The following AHNAK2 variants were observed in gnomAD, a reference collection of about 807,000 sequenced individuals.
AHNAK2 encodes the protein protein AHNAK2.
In AHNAK2, 18 loss-of-function variants were observed where a neutral mutation model predicts 30.7. The observed-to-expected ratio is 0.59, with a 90% confidence interval of 0.41 to 0.87. AHNAK2 has a LOEUF of 0.87. AHNAK2 is among the 40% of genes least tolerant of loss of function. AHNAK2 has a pLI of 0.00. For synonymous variants in AHNAK2, 3,590 were observed against 3,073.8 expected (o/e 1.17, Z -5.56); for missense variants, 8,604 against 7,373.0 (o/e 1.17, Z -6.11).
Position 104,944,647 on chromosome 14 carries a change from G to A in AHNAK2, c.10804C>T (p.Pro3602Ser), listed in dbSNP as rs1376920729. ...VRVPDVEVSL[P>S]SVEVDVQAPK... ...GCCTGGACATCCACCTCCACGCTGG[G>A]CAGAGACACCTCGACATCGGGGACT... Residue 3602 changes from proline to serine, a missense_variant, in exon 7 of 7, where the codon CCC (proline) becomes TCC (serine). Transcript: ENST00000333244. The A allele has an allele frequency of 1.2e-6, 2 of 1,613,094 alleles. No individual in the cohort carries two copies. The highest frequency in any genetic ancestry group is 1.7e-6 in the Non-Finnish European group (2 of 1,179,708).
chr14:104,953,561 C>A lies in AHNAK2; in HGVS notation c.1890G>T (p.Glu630Asp). The change falls in exon 7 of 7, where the codon GAG (glutamate) becomes GAT (aspartate). Residue 630 changes from glutamate to aspartate, a missense_variant. Glu to Asp is a conservative substitution (Grantham distance 45). Transcript: ENST00000333244. ...TADRREQRRT[E>D]EGLKDKEDSD... ...TGTCTTCTTTGTCTTTTAATCCTTC[C>A]TCTGTGCGTCTCTGTTCTCTTCTAT... The A allele has an allele frequency of 5.0e-6, 8 of 1,613,960 alleles. No homozygotes were observed. The highest frequency in any genetic ancestry group is 6.8e-6 in the Non-Finnish European group (8 of 1,179,884).
chr14:104,973,029 G>A (rs536372615), intron 1 of AHNAK2, among the ~76,000 whole-genome samples: 49 of 152,322 alleles, frequency 3.2e-4, no homozygotes, highest in Middle Eastern at 3.4e-3. Flanking sequence ...ACCAGCAGGC[G>A]GGTGCTGGGC....
Position 104,951,500 on chromosome 14 carries a change from A to T in AHNAK2, c.3951T>A (p.Ala1317=). The T allele has an allele frequency of 8.1e-7, 1 of 1,242,112 alleles. No homozygotes were observed. The highest frequency in any genetic ancestry group is 2.3e-5 in the East Asian group (1 of 44,294). The allele number at this position is 1,242,112 out of a possible 1,614,324, so 76.9% of individuals were successfully genotyped here. A position where few individuals can be genotyped will look rare whatever the true frequency, so the allele number is the denominator to read the frequency against. ...GAQLDGDLSL[A]DKDVTAKDSK... ...TGTCTTTGGCAGTCACGTCCTTGTC[A>T]GCCAGGGACAGGTCCCCGTCCAGCT... The change falls in exon 7 of 7, where the codon GCT becomes GCA. Residue 1317 remains alanine (A), a synonymous_variant. Coordinates refer to ENST00000333244, the MANE Select transcript of AHNAK2 (RefSeq NM_138420.4).
In AHNAK2 at chr14:104,937,779, T is replaced by C. The variant is rs1897847900; in HGVS notation, c.*284A>G. The C allele has an allele frequency of 5.2e-6, 2 of 388,092 alleles. No homozygotes were observed. The highest frequency in any genetic ancestry group is 9.2e-6 in the Non-Finnish European group (2 of 218,416). 24.0% of individuals were successfully genotyped at this position (388,092 alleles called of 1,614,324 possible). On this transcript the variant is annotated 3_prime_UTR_variant, in exon 7 of 7. Transcript: ENST00000333244. ...ATTTATCTAATAAAGACCAACAAAC[T>C]TCCCCAGCAGTGCCTCTGAGTACCG...
chr14:104,965,417 A>AAAG (rs1555403429), intron 1 of AHNAK2, among the ~76,000 whole-genome samples: 11 of 150,468 alleles, frequency 7.3e-5, no homozygotes, highest in African/African-American at 1.9e-4. Flanking sequence ...AAAAAAAAAA[A>AAAG]AAAAGAAAAG....
Position 104,952,546 on chromosome 14 carries a change from G to C in AHNAK2, c.2905C>G (p.Gln969Glu), listed in dbSNP as rs934456874. 1.9e-6 allele frequency: 3 copies of C among 1,612,306 alleles called. No homozygotes were observed. Among genetic ancestry groups the C allele is most frequent in the East Asian group, 2.2e-5 (1 of 44,716 alleles). ...VSLPSMEVDV[Q>E]AQKAKLDGAW... Reference sequence around the variant, plus strand: ...CCATCCAGCTTGGCCTTCTGGGCCTGGACATCCACCTCCATGCTGGGCAGA... The same window carrying C: ...CCATCCAGCTTGGCCTTCTGGGCCTCGACATCCACCTCCATGCTGGGCAGA... Residue 969 changes from glutamine (Q) to glutamate (E), a missense_variant, in exon 7 of 7, where the codon CAG (glutamine) becomes GAG (glutamate). Gln to Glu is a conservative substitution (Grantham distance 29). Transcript: ENST00000333244.
At chr14:104,970,932 G>A (rs1566926876) in intron 1 of AHNAK2, among the ~76,000 whole-genome samples, 1 of 152,126 alleles carries the variant, frequency 6.6e-6, no homozygotes. Flanking sequence ...GGGAGGAGAG[G>A]CATAGCCTAA....
chr14:104,952,782 A>G lies in AHNAK2; in HGVS notation c.2669T>C (p.Leu890Pro). The G allele has an allele frequency of 6.2e-7, 1 of 1,612,442 alleles. No homozygotes were observed. The highest frequency in any genetic ancestry group is 1.1e-5 in the South Asian group (1 of 91,040). Reference sequence around the variant, plus strand: ...ATCCACTTGGCCAGCCTGGACCTCCAGGTCAGCGGAAGGGGGCTGAATGCT... The same window carrying G: ...ATCCACTTGGCCAGCCTGGACCTCCGGGTCAGCGGAAGGGGGCTGAATGCT... The part of the protein sequence containing the change: ...DLSIQPPSAD[L>P]EVQAGQVDVK... Residue 890 changes from leucine to proline, a missense_variant, in exon 7 of 7, where the codon CTG (leucine) becomes CCG (proline). By Grantham distance (98) the Leu-to-Pro change is moderately conservative. Transcript: ENST00000333244.
At position 104,952,905 on chromosome 14, in the gene AHNAK2, C is replaced by T. The variant is rs1488705936; in HGVS notation, c.2546G>A (p.Gly849Asp). Residue 849 changes from glycine to aspartate, a missense_variant, in exon 7 of 7, where the codon GGC becomes GAC. Coordinates refer to ENST00000333244, the MANE Select transcript of AHNAK2 (RefSeq NM_138420.4). The part of the protein sequence containing the change: ...KMPSFGVSAP[G>D]KSMEDSVDVS... ...ATCCACCGAGTCCTCCATGGACTTG[C>T]CTGGGGCCGACACCCCGAATGATGG... The T allele has an allele frequency of 6.2e-7, 1 of 1,612,134 alleles. No homozygotes were observed. The highest frequency in any genetic ancestry group is 1.1e-5 in the South Asian group (1 of 90,974).
intron 1 of AHNAK2, among the ~76,000 whole-genome samples, chr14:104,969,353 T>C (rs1899406424): frequency 1.3e-5 from 2 of 152,342 alleles, no homozygotes; most frequent in Admixed American, 1.3e-4. Context: ...CCGTGCCTGC[T>C]CTAGCCCTAG....
At chr14:104,965,800 T>C (rs923474376) in intron 1 of AHNAK2, among the ~76,000 whole-genome samples, 3 of 152,184 alleles carry the variant, frequency 2.0e-5, no homozygotes, top group Admixed American at 2.0e-4. Flanking sequence ...CCGGCAGTGG[T>C]CTAGGTCTGG....
chr14:104,944,646 G>C lies in AHNAK2; in HGVS notation c.10805C>G (p.Pro3602Arg), dbSNP rs745713300. ...VRVPDVEVSL[P>R]SVEVDVQAPK... The stretch of plus-strand genomic sequence containing the variant: ...GGCCTGGACATCCACCTCCACGCTG[G>C]GCAGAGACACCTCGACATCGGGGAC... The change falls in exon 7 of 7, where the codon CCC becomes CGC. Residue 3602 changes from proline to arginine, a missense_variant. Transcript: ENST00000333244. The C allele has an allele frequency of 2.5e-6, 4 of 1,613,080 alleles. No homozygotes were observed. In the East Asian group the frequency reaches 6.7e-5, roughly 27 times the overall value.
chr14:104,950,358 T>C lies in AHNAK2; in HGVS notation c.5093A>G (p.Gln1698Arg). Residue 1698 changes from glutamine to arginine, a missense_variant, in exon 7 of 7, where the codon CAG (glutamine) becomes CGG (arginine). Physicochemically the swap from Gln to Arg is conservative, Grantham distance 43 (BLOSUM62 1). Coordinates refer to ENST00000333244, the MANE Select transcript of AHNAK2 (RefSeq NM_138420.4). ...GAGGTCAGTGGTCTTCAGGTCCCCC[T>C]GCATGGAGGGGAGGCTCACATCAGC... ...VEADVSLPSM[Q>R]GDLKTTDLSI... The C allele has an allele frequency of 6.3e-7, 1 of 1,585,982 alleles. No homozygotes were observed. The highest frequency in any genetic ancestry group is 1.1e-5 in the South Asian group (1 of 89,750).
intron 5 of AHNAK2, 150 bp from the exon 6 acceptor site, chr14:104,955,291 C>T: frequency 7.8e-7 from 1 of 1,274,626 alleles, no homozygotes; most frequent in East Asian, 2.4e-5. Context: ...GTGCCTCAGG[C>T]ACAGGCAAGG....
At position 104,939,486 on chromosome 14, in the gene AHNAK2, G is replaced by C. The variant is rs986049128; in HGVS notation, c.15965C>G (p.Pro5322Arg). 1.2e-6 allele frequency: 2 copies of C among 1,613,392 alleles called. No individual in the cohort carries two copies. Among genetic ancestry groups the C allele is most frequent in the Non-Finnish European group, 1.7e-6 (2 of 1,179,842 alleles). The change falls in exon 7 of 7, where the codon CCA becomes CGA. Residue 5322 changes from proline (P) to arginine (R), a missense_variant. Physicochemically the swap from Pro to Arg is moderately radical, Grantham distance 103. Coordinates refer to ENST00000333244, the MANE Select transcript of AHNAK2 (RefSeq NM_138420.4). ...AAGAGGAGTCTCATCTATTTCTCCT[G>C]GAAGAACCTGGGTTTCTGGAAGCCT... ...GMRLPETQVL[P>R]GEIDETPLSK...
intron 1 of AHNAK2, among the ~76,000 whole-genome samples, chr14:104,975,452 C>A (rs1275158779): frequency 6.6e-6 from 1 of 152,080 alleles, no homozygotes; most frequent in Non-Finnish European, 1.5e-5. Flanking sequence ...TCTGAGAGGC[C>A]ACCTCACTGG....
Position 104,951,712 on chromosome 14 carries a change from G to A in AHNAK2, c.3739C>T (p.Pro1247Ser). ...TTCAAACTAGGCATCTGCACCTTGG[G>A]CAGGTGCCCTTTGAAGCCGGCTCCC... Reference protein sequence around the residue: ...PEGAGFKGHLPKVQMPSLKMP... With the variant: ...PEGAGFKGHLSKVQMPSLKMP... The change falls in exon 7 of 7, where the codon CCC (proline) becomes TCC (serine). Residue 1247 changes from proline (P) to serine (S), a missense_variant. Pro to Ser is a moderately conservative substitution (Grantham distance 74). Transcript: ENST00000333244. 3.2e-6 allele frequency: 4 copies of A among 1,246,950 alleles called. 1 individual carries two copies. Among genetic ancestry groups the A allele is most frequent in the Non-Finnish European group, 4.5e-6 (4 of 880,868 alleles). 77.2% of individuals were successfully genotyped at this position (1,246,950 alleles called of 1,614,324 possible). A position where few individuals can be genotyped will look rare whatever the true frequency, so the allele number is the denominator to read the frequency against.
chr14:104,973,299 G>A (rs1030208766), intron 1 of AHNAK2, among the ~76,000 whole-genome samples: 10 of 152,242 alleles, frequency 6.6e-5, no homozygotes, highest in Non-Finnish European at 1.2e-4. Flanking sequence ...TCGGCTGCTG[G>A]CGGGGGCCAG....
chr14:104,939,863 G>A lies in AHNAK2; in HGVS notation c.15588C>T (p.Arg5196=), dbSNP rs767014033. 2 of 1,613,794 alleles carry A rather than the reference G, an allele frequency of 1.2e-6. No individual in the cohort carries two copies. Among genetic ancestry groups the A allele is most frequent in the South Asian group, 2.2e-5 (2 of 91,092 alleles). ...TGAAAGAGCGCCTAAGGCTGGGCAT[G>A]CGGAACTTGGGCATTTTAAACCAGC... ...QESWFKMPKF[R]MPSLRRSFRD... The change falls in exon 7 of 7, where the codon CGC becomes CGT. Residue 5196 remains arginine (R), a synonymous_variant. Coordinates refer to ENST00000333244, the MANE Select transcript of AHNAK2 (RefSeq NM_138420.4).
Sources: allele counts gnomAD v4.1 joint callset (sites outside exome capture counted in the v4.1 genomes callset), GRCh38; gene constraint gnomAD v4.1.1; transcripts MANE v1.5; gene names NCBI Gene and HGNC (gene_info 2026-07-23, HGNC 2026-07-21).